Variants in RCAN2 observed in about 807,000 individuals in gnomAD.
RCAN2 encodes the protein calcipressin-2.
In RCAN2, 9 loss-of-function variants were observed where a neutral mutation model predicts 23.6. That is an observed-to-expected ratio of 0.38 (90% CI 0.23 to 0.67). The LOEUF (loss-of-function observed/expected upper bound fraction) is 0.67. RCAN2 is among the 30% of genes least tolerant of loss of function. The pLI is 0.51. For synonymous variants in RCAN2, 109 were observed against 115.7 expected (o/e 0.94, Z 0.37); for missense variants, 273 against 302.3 (o/e 0.90, Z 0.72).
At chr6:46,435,036 C>A (rs868643029) in intron 2 of RCAN2, among the ~76,000 whole-genome samples, 1 of 152,088 alleles carries the variant, frequency 6.6e-6, no homozygotes, top group Non-Finnish European at 1.5e-5. Context: ...TATGTCGTTG[C>A]GATGCATTAT....
In RCAN2 at chr6:46,246,788, G is replaced by A. The variant is rs535122230; in HGVS notation, c.531C>T (p.Leu177=). 6 of 1,613,748 alleles carry A rather than the reference G, an allele frequency of 3.7e-6. No homozygotes were observed. In the South Asian group the frequency reaches 5.5e-5, roughly 15 times the overall value. The change falls in exon 4 of 5, where the codon CTC becomes CTT. Residue 177 remains leucine, a synonymous_variant. Coordinates refer to ENST00000371374, the MANE Select transcript of RCAN2 (RefSeq NM_001251974.2). ...WQPINDATPV[L]NYDLLYAVAK... ...CCACAGCATAGAGGAGGTCATAGTT[G>A]AGGACTGGCGTGGCATCGTTGATGG...
intron 2 of RCAN2, among the ~76,000 whole-genome samples, chr6:46,280,843 C>T (rs1767883830): frequency 6.6e-6 from 1 of 152,078 alleles, no homozygotes; most frequent in Non-Finnish European, 1.5e-5. Context: ...GGTATGTGGA[C>T]ACACATGCAT....
chr6:46,414,953 T>C (rs933211067), intron 2 of RCAN2, among the ~76,000 whole-genome samples: 8 of 152,200 alleles, frequency 5.3e-5, no homozygotes, highest in Admixed American at 2.0e-4. Flanking sequence ...AATGTGCCTA[T>C]GGATTGTGAA....
chr6:46,283,511 A>C (rs888133844), intron 2 of RCAN2, among the ~76,000 whole-genome samples: 3 of 152,194 alleles, frequency 2.0e-5, no homozygotes, highest in African/African-American at 7.2e-5. Flanking sequence ...AACTAATATT[A>C]GCCAGGGCCC....
chr6:46,384,011 G>C (rs1324400079), intron 2 of RCAN2, among the ~76,000 whole-genome samples: 1 of 152,094 alleles, frequency 6.6e-6, no homozygotes, highest in Non-Finnish European at 1.5e-5. Flanking sequence ...GGAAAAACAG[G>C]GTTCATCTCT....
At chr6:46,327,963 C>G (rs577056987) in intron 2 of RCAN2, among the ~76,000 whole-genome samples, 2 of 152,256 alleles carry the variant, frequency 1.3e-5, no homozygotes, top group Admixed American at 1.3e-4. Context: ...CCACGTGTGC[C>G]CAGAGCCCAT....
chr6:46,481,974 G>A (rs1383170161), intron 1 of RCAN2, among the ~76,000 whole-genome samples: 1 of 146,944 alleles, frequency 6.8e-6, no homozygotes, highest in African/African-American at 2.4e-5. Flanking sequence ...ATCTCAATAG[G>A]AAAAAATCTA....
chr6:46,362,098 G>A (rs1262228222), intron 2 of RCAN2, among the ~76,000 whole-genome samples: 2 of 152,146 alleles, frequency 1.3e-5, no homozygotes, highest in East Asian at 3.8e-4. Context: ...GTGTTTAGAA[G>A]GATTCTGAGG....
intron 2 of RCAN2, among the ~76,000 whole-genome samples, chr6:46,404,199 G>A (rs1232087266): frequency 6.6e-6 from 1 of 150,612 alleles, no homozygotes; most frequent in Non-Finnish European, 1.5e-5. Flanking sequence ...TCCAGGGTGG[G>A]CAACAGAGTA....
intron 2 of RCAN2, among the ~76,000 whole-genome samples, chr6:46,443,516 C>T (rs1767614308): frequency 6.6e-6 from 1 of 151,846 alleles, no homozygotes; most frequent in Non-Finnish European, 1.5e-5. Context: ...GCTTTTATTG[C>T]TACTCTCTTT....
At chr6:46,332,315 T>C (rs935875235) in intron 2 of RCAN2, among the ~76,000 whole-genome samples, 6 of 151,450 alleles carry the variant, frequency 4.0e-5, no homozygotes, top group African/African-American at 1.5e-4. Context: ...TTAATCTGAT[T>C]TTTTTTATTA....
intron 2 of RCAN2, among the ~76,000 whole-genome samples, chr6:46,273,221 G>T (rs1456785515): frequency 2.0e-5 from 3 of 152,168 alleles, no homozygotes; most frequent in African/African-American, 7.2e-5. Flanking sequence ...TTTTTGGCCA[G>T]CAGGGAAATT....
intron 2 of RCAN2, among the ~76,000 whole-genome samples, chr6:46,329,621 A>G (rs1763899050): frequency 6.6e-6 from 1 of 152,094 alleles, no homozygotes; most frequent in Non-Finnish European, 1.5e-5. Flanking sequence ...CAGGAGTTGC[A>G]GGGAGGCTTT....
At chr6:46,442,359 TG>T (rs2150423350) in intron 2 of RCAN2, among the ~76,000 whole-genome samples, 1 of 152,368 alleles carries the variant, frequency 6.6e-6, no homozygotes, top group East Asian at 1.9e-4. Flanking sequence ...GCCCAGGAAG[TG>T]AGTGGCAGAT....
intron 2 of RCAN2, among the ~76,000 whole-genome samples, chr6:46,286,596 T>G (rs1382500089): frequency 1.3e-5 from 2 of 152,170 alleles, no homozygotes; most frequent in Non-Finnish European, 2.9e-5. Context: ...GGTGGGAGGA[T>G]TGGCATGATT....
At chr6:46,316,328 A>G (rs1763436919) in intron 2 of RCAN2, among the ~76,000 whole-genome samples, 1 of 152,208 alleles carries the variant, frequency 6.6e-6, no homozygotes, top group Admixed American at 6.5e-5. Flanking sequence ...CCTATGAGGT[A>G]AGCAGTATTA....
intron 2 of RCAN2, among the ~76,000 whole-genome samples, chr6:46,283,553 G>C (rs561039037): frequency 7.6e-4 from 116 of 152,328 alleles, no homozygotes; most frequent in African/African-American, 2.7e-3. Flanking sequence ...CAGGAAGTCA[G>C]TGGCAAGGAC....
intron 1 of RCAN2, among the ~76,000 whole-genome samples, chr6:46,470,394 A>G (rs1197128285): frequency 2.0e-5 from 3 of 152,250 alleles, no homozygotes; most frequent in Non-Finnish European, 4.4e-5. Context: ...GAAGTGCCTT[A>G]TTAAGATGTC....
At chr6:46,422,544 A>G (rs1766913967) in intron 2 of RCAN2, among the ~76,000 whole-genome samples, 1 of 152,226 alleles carries the variant, frequency 6.6e-6, no homozygotes, top group Non-Finnish European at 1.5e-5. Flanking sequence ...GAAGGAAGAC[A>G]TGTTCCAAAC....
Sources: allele counts gnomAD v4.1 joint callset (sites outside exome capture counted in the v4.1 genomes callset), GRCh38; gene constraint gnomAD v4.1.1; transcripts MANE v1.5; gene names NCBI Gene and HGNC (gene_info 2026-07-23, HGNC 2026-07-21).